PTPRD: variants seen among roughly 807,000 people sequenced by gnomAD.
The protein encoded by PTPRD is receptor-type tyrosine-protein phosphatase delta.
Under a neutral mutation model 214.5 loss-of-function variants are expected in PTPRD, and 34 were observed. The observed-to-expected ratio is 0.16, with a 90% confidence interval of 0.12 to 0.21. The LOEUF (loss-of-function observed/expected upper bound fraction) is 0.21. Ranked by LOEUF, PTPRD falls within the 10% of genes least tolerant of loss-of-function variation. PTPRD has a pLI of 1.00. For synonymous variants in PTPRD, 1,128 were observed against 845.7 expected (o/e 1.33, Z -5.79); for missense variants, 2,545 against 2,398.7 (o/e 1.06, Z -1.27).
At chr9:8,725,097 T>C (rs2098543278) in intron 12 of PTPRD, among the ~76,000 whole-genome samples, 1 of 152,288 alleles carries the variant, frequency 6.6e-6, no homozygotes, top group Admixed American at 6.5e-5. Context: ...GAAAACTGAA[T>C]GAAAGCTACA....
intron 11 of PTPRD, among the ~76,000 whole-genome samples, chr9:8,975,245 C>T (rs1266632241): frequency 3.3e-5 from 5 of 151,828 alleles, no homozygotes; most frequent in African/African-American, 1.2e-4. Context: ...TTAGGAGATA[C>T]CAAAAAGTAA....
intron 2 of PTPRD, among the ~76,000 whole-genome samples, chr9:10,394,957 C>CTTTTTTTTTTTTTT (rs34786789): frequency 3.8e-5 from 5 of 133,208 alleles, no homozygotes; most frequent in African/African-American, 8.6e-5. Flanking sequence ...TTTTCTTTTT[C>CTTTTTTTTTTTTTT]TTTTTTTTTT....
chr9:9,479,226 CCCCA>C (rs1315487284), intron 8 of PTPRD, among the ~76,000 whole-genome samples: 2 of 110,608 alleles, frequency 1.8e-5, no homozygotes, highest in African/African-American at 3.4e-5. Flanking sequence ...CCCCCCCCCC[CCCCA>C]CACACACACC....
At chr9:8,850,430 A>G (rs1158984030) in intron 11 of PTPRD, among the ~76,000 whole-genome samples, 1 of 152,222 alleles carries the variant, frequency 6.6e-6, no homozygotes, top group Non-Finnish European at 1.5e-5. Context: ...ATGTTGATGA[A>G]GAAAGTGAAT....
intron 4 of PTPRD, among the ~76,000 whole-genome samples, chr9:9,942,523 A>T (rs1309055497): frequency 6.6e-6 from 1 of 152,150 alleles, no homozygotes; most frequent in African/African-American, 2.4e-5. Flanking sequence ...ATGTGTAGGA[A>T]GGTCAAGGGG....
At chr9:9,086,967 A>G (rs1460286978) in intron 10 of PTPRD, among the ~76,000 whole-genome samples, 4 of 152,174 alleles carry the variant, frequency 2.6e-5, no homozygotes, top group African/African-American at 9.7e-5. Flanking sequence ...AGAAATAATG[A>G]AAAACAGTCA....
At chr9:8,955,237 G>C (rs993777415) in intron 11 of PTPRD, among the ~76,000 whole-genome samples, 7 of 151,948 alleles carry the variant, frequency 4.6e-5, no homozygotes, top group Middle Eastern at 3.4e-3. Flanking sequence ...GGCTGGGTTT[G>C]TTGAAACATT....
chr9:10,422,329 A>C (rs921766980), intron 2 of PTPRD, among the ~76,000 whole-genome samples: 1 of 152,074 alleles, frequency 6.6e-6, no homozygotes, highest in Non-Finnish European at 1.5e-5. Context: ...TAAAGACTTA[A>C]ATGTTAGACC....
At chr9:9,512,504 A>C (rs1388009040) in intron 8 of PTPRD, among the ~76,000 whole-genome samples, 2 of 151,860 alleles carry the variant, frequency 1.3e-5, no homozygotes, top group African/African-American at 2.4e-5. Flanking sequence ...GCTTACAGAG[A>C]ATATGTAAGG....
chr9:8,337,962 T>A (rs1588043214), intron 43 of PTPRD, among the ~76,000 whole-genome samples: 3 of 152,016 alleles, frequency 2.0e-5, no homozygotes, highest in East Asian at 3.9e-4. Flanking sequence ...TCAGAATAGT[T>A]AATATAACTT....
At chr9:9,575,866 C>T (rs145377753) in intron 7 of PTPRD, among the ~76,000 whole-genome samples, 54 of 150,748 alleles carry the variant, frequency 3.6e-4, no homozygotes, top group Middle Eastern at 3.6e-3. Flanking sequence ...ACACATTACT[C>T]GCCATCAAGT....
At chr9:9,834,122 T>C (rs912704547) in intron 5 of PTPRD, among the ~76,000 whole-genome samples, 3 of 151,994 alleles carry the variant, frequency 2.0e-5, no homozygotes, top group African/African-American at 4.8e-5. Flanking sequence ...GCATAAGAAA[T>C]TACAAAAGTA....
chr9:10,050,059 T>A (rs1275089796), intron 3 of PTPRD, among the ~76,000 whole-genome samples: 1 of 152,120 alleles, frequency 6.6e-6, no homozygotes, highest in Non-Finnish European at 1.5e-5. Context: ...CATTCCCTAT[T>A]ACCAGCACCT....
intron 11 of PTPRD, among the ~76,000 whole-genome samples, chr9:8,990,910 C>T (rs1271754606): frequency 6.6e-6 from 1 of 151,964 alleles, no homozygotes; most frequent in African/African-American, 2.4e-5. Context: ...TTCATTGAAC[C>T]TAAGCATAAA....
intron 10 of PTPRD, among the ~76,000 whole-genome samples, chr9:9,078,945 G>A (rs972293576): frequency 2.0e-5 from 3 of 152,040 alleles, no homozygotes; most frequent in African/African-American, 7.2e-5. Flanking sequence ...AATGTTGAGT[G>A]ATCAGATCAG....
At chr9:8,665,094 C>T (rs1300589018) in intron 12 of PTPRD, among the ~76,000 whole-genome samples, 3 of 152,194 alleles carry the variant, frequency 2.0e-5, no homozygotes, top group African/African-American at 7.2e-5. Flanking sequence ...AATATGTTCG[C>T]TCATTCTCAA....
chr9:9,521,615 G>A (rs979289589), intron 8 of PTPRD, among the ~76,000 whole-genome samples: 5 of 152,020 alleles, frequency 3.3e-5, no homozygotes, highest in South Asian at 4.1e-4. Flanking sequence ...CAGGGGAGGC[G>A]CTCTAAGTGG....
chr9:9,934,098 T>C (rs143392274), intron 5 of PTPRD, among the ~76,000 whole-genome samples: 30,050 of 149,286 alleles, frequency 0.2, 3,874 homozygotes, highest in Middle Eastern at 0.41. Context: ...GGGAAATTTA[T>C]AGCACTAAAC....
chr9:8,484,181 C>A lies in PTPRD; in HGVS notation c.3351G>T (p.Lys1117Asn), dbSNP rs1025234387. 17 of 1,614,054 alleles carry A rather than the reference C, an allele frequency of 1.1e-5. No homozygotes were observed. The highest frequency in any genetic ancestry group is 1.4e-5 in the Non-Finnish European group (16 of 1,180,034). ...VLRTKPAFIG[K>N]TNLDGMITVQ... ...CAGTAATCATGCCATCCAAGTTGGT[C>A]TTCCCAATGAAGGCAGGCTTGGTAC... The change falls in exon 30 of 46, where the codon AAG becomes AAT. Residue 1117 changes from lysine to asparagine, a missense_variant. Coordinates refer to ENST00000381196, the MANE Select transcript of PTPRD (RefSeq NM_002839.4).
Sources: allele counts gnomAD v4.1 joint callset (sites outside exome capture counted in the v4.1 genomes callset), GRCh38; gene constraint gnomAD v4.1.1; transcripts MANE v1.5; gene names NCBI Gene and HGNC (gene_info 2026-07-23, HGNC 2026-07-21).